The following POU6F2 variants were observed in gnomAD, a reference collection of about 807,000 sequenced individuals.
POU6F2 encodes POU domain, class 6, transcription factor 2.
In POU6F2, 31 loss-of-function variants were observed where a neutral mutation model predicts 71.3. The observed-to-expected ratio is 0.43, with a 90% CI of 0.33 to 0.59. The LOEUF is 0.59. Ranked by LOEUF, POU6F2 falls within the 20% of genes least tolerant of loss-of-function variation. The pLI, the probability that POU6F2 is intolerant of heterozygous loss-of-function variation, is 0.04. For missense variants in POU6F2, 783 were observed against 856.8 expected, an observed-to-expected ratio of 0.91 and a Z score of 1.07; for synonymous variants, 347 against 355.7, an observed-to-expected ratio of 0.98 and a Z score of 0.27.
chr7:39,335,130 G>A (rs1785740518), intron 4 of POU6F2, among the ~76,000 whole-genome samples: 1 of 152,126 alleles, frequency 6.6e-6, no homozygotes, highest in African/African-American at 2.4e-5. Flanking sequence ...TACCATCAAG[G>A]TAAACTAGTG....
intron 5 of POU6F2, among the ~76,000 whole-genome samples, chr7:39,352,805 T>C (rs979367969): frequency 1.3e-5 from 2 of 152,168 alleles, no homozygotes; most frequent in African/African-American, 4.8e-5. Flanking sequence ...CAAAGGTATA[T>C]CACAAGGTGC....
chr7:39,427,212 G>T (rs1031807689), intron 6 of POU6F2, among the ~76,000 whole-genome samples: 22 of 152,282 alleles, frequency 1.4e-4, no homozygotes, highest in Middle Eastern at 3.4e-3. Context: ...GATTATCTTA[G>T]TTCTCACAGT....
intron 5 of POU6F2, among the ~76,000 whole-genome samples, chr7:39,344,866 A>G (rs139296803): frequency 1.4e-3 from 211 of 152,268 alleles, no homozygotes; most frequent in Non-Finnish European, 2.2e-3. Flanking sequence ...TTGTGTGGCT[A>G]CTGTAAATAT....
chr7:39,338,352 C>T (rs758478122), intron 4 of POU6F2, among the ~76,000 whole-genome samples: 4 of 152,256 alleles, frequency 2.6e-5, no homozygotes, highest in Middle Eastern at 3.4e-3. Context: ...GGGATGATGC[C>T]GGGGTACTTT....
At chr7:39,393,516 T>C (rs574679011) in intron 5 of POU6F2, among the ~76,000 whole-genome samples, 5 of 152,280 alleles carry the variant, frequency 3.3e-5, no homozygotes, top group Non-Finnish European at 7.4e-5. Flanking sequence ...TGACCAGAAA[T>C]GGCATTTTCT....
At chr7:39,020,330 G>A (rs867822935) in intron 1 of POU6F2, among the ~76,000 whole-genome samples, 1 of 152,272 alleles carries the variant, frequency 6.6e-6, no homozygotes, top group Non-Finnish European at 1.5e-5. Flanking sequence ...TCTACTTCAA[G>A]ATATTGTTAT....
At chr7:39,169,415 A>G (rs941762526) in intron 2 of POU6F2, among the ~76,000 whole-genome samples, 15 of 152,314 alleles carry the variant, frequency 9.8e-5, no homozygotes, top group African/African-American at 3.6e-4. Flanking sequence ...CACGCCCATA[A>G]AGTGTCTGGG....
At chr7:39,214,959 C>T (rs896244883) in intron 4 of POU6F2, among the ~76,000 whole-genome samples, 2 of 152,188 alleles carry the variant, frequency 1.3e-5, no homozygotes, top group African/African-American at 4.8e-5. Flanking sequence ...AAAAACAATG[C>T]AGTTATGCTA....
Position 39,460,577 on chromosome 7 carries a change from G to T in POU6F2, c.1520G>T (p.Gly507Val). 1 of 1,613,634 alleles carries T rather than the reference G, an allele frequency of 6.2e-7. No individual in the cohort carries two copies. The highest frequency in any genetic ancestry group is 1.1e-5 in the South Asian group (1 of 90,904). ...NPQTAAGEVD[G>V]VNLEEIREFA... ...CAAACGGCAGCGGGTGAGGTGGATG[G>T]GGTTAATCTGGAGGAGATCCGAGAA... is the stretch of plus-strand genomic sequence containing the variant. The change falls in exon 9 of 10, where the codon GGG (glycine) becomes GTG (valine). Residue 507 changes from glycine (G) to valine (V), a missense_variant. By Grantham distance (109) the Gly-to-Val change is moderately radical (BLOSUM62 -3). Coordinates refer to ENST00000518318, the MANE Select transcript of POU6F2 (RefSeq NM_001370959.1). This position sits in a 1 kb window ranked among gnomAD's most constrained non-coding sequence, Gnocchi z 4.4.
intron 2 of POU6F2, among the ~76,000 whole-genome samples, chr7:39,113,569 T>C (rs1791867536): frequency 6.6e-6 from 1 of 152,196 alleles, no homozygotes; most frequent in Non-Finnish European, 1.5e-5. Context: ...CTTCTAAAGA[T>C]CTGGCCAGCA....
intron 4 of POU6F2, among the ~76,000 whole-genome samples, chr7:39,290,478 A>G (rs530050015): frequency 6.6e-6 from 1 of 152,290 alleles, no homozygotes; most frequent in African/African-American, 2.4e-5. Context: ...CTTTTAATCA[A>G]GTTCTTCAAG....
At chr7:39,242,322 A>G (rs535874678) in intron 4 of POU6F2, among the ~76,000 whole-genome samples, 4 of 151,440 alleles carry the variant, frequency 2.6e-5, no homozygotes, top group African/African-American at 9.7e-5. Context: ...CCGGCAGGGT[A>G]TGAGCATTCT....
chr7:39,293,093 A>G (rs2128762652), intron 4 of POU6F2, among the ~76,000 whole-genome samples: 1 of 152,280 alleles, frequency 6.6e-6, no homozygotes, highest in Admixed American at 6.5e-5. Context: ...TTTCTCGGTA[A>G]GCAGGGATTA....
intron 5 of POU6F2, among the ~76,000 whole-genome samples, chr7:39,353,860 A>G (rs1786198548): frequency 1.3e-5 from 2 of 152,260 alleles, no homozygotes. Flanking sequence ...CTGCCACAGC[A>G]GAATAGTCAC....
At chr7:39,185,378 T>C (rs1562737771) in intron 2 of POU6F2, among the ~76,000 whole-genome samples, 1 of 152,152 alleles carries the variant, frequency 6.6e-6, no homozygotes. Flanking sequence ...ATGGAGACAG[T>C]TGGGTTCAAG....
intron 7 of POU6F2, among the ~76,000 whole-genome samples, chr7:39,444,319 C>T (rs1316678699): frequency 1.3e-5 from 2 of 152,326 alleles, no homozygotes; most frequent in South Asian, 2.1e-4. Flanking sequence ...CGCAGTGGCT[C>T]GCGCCTATAA....
At chr7:39,217,019 A>G (rs1015866816) in intron 4 of POU6F2, among the ~76,000 whole-genome samples, 2 of 152,284 alleles carry the variant, frequency 1.3e-5, no homozygotes, top group East Asian at 3.9e-4. Context: ...GTGCCAGACA[A>G]TGAGAAATTC....
rs1789032713 is a variant in POU6F2, at chr7:39,464,865, C to T, written c.*179C>T. Reference sequence around the variant, plus strand: ...GTGGACAGAATGGTTTCTACATGTCCGTTGGTTTTCCAAAAAGGAAAGAAG... The same window carrying T: ...GTGGACAGAATGGTTTCTACATGTCTGTTGGTTTTCCAAAAAGGAAAGAAG... On this transcript the variant is annotated 3_prime_UTR_variant, in exon 10 of 10. Coordinates refer to ENST00000518318, the MANE Select transcript of POU6F2 (RefSeq NM_001370959.1). This position sits in a 1 kb window ranked among gnomAD's most constrained non-coding sequence, Gnocchi z 4.1. 3.5e-6 allele frequency: 3 copies of T among 863,138 alleles called. No individual in the cohort carries two copies. The highest frequency in any genetic ancestry group is 3.2e-5 in the Admixed American group (1 of 31,508). The allele number at this position is 863,138 out of a possible 1,614,324, so 53.5% of individuals were successfully genotyped here.
chr7:39,146,582 G>A (rs1441857952), intron 2 of POU6F2, among the ~76,000 whole-genome samples: 2 of 152,242 alleles, frequency 1.3e-5, no homozygotes, highest in Admixed American at 1.3e-4. Context: ...GCAGTTTAGA[G>A]AGAGAAAAGC....
Sources: gnomAD v4.1 joint callset for allele counts (sites outside exome capture counted in the v4.1 genomes callset) on GRCh38, gnomAD v4.1.1 for gene constraint, Gnocchi (gnomAD v3.1) non-coding constraint, MANE v1.5 for transcripts, NCBI Gene and HGNC (gene_info 2026-07-23, HGNC 2026-07-21) for gene names.